LRFN5: variants seen among roughly 807,000 people sequenced by gnomAD.
The protein encoded by LRFN5 is leucine rich repeat and fibronectin type III domain containing 5.
LRFN5 carries 24 observed loss-of-function variants against 45.6 expected under a neutral mutation model. That is an observed-to-expected ratio of 0.53 (90% CI 0.38 to 0.74). LRFN5 has a LOEUF of 0.74. LRFN5 is among the 30% of genes least tolerant of loss of function. The pLI, the probability that LRFN5 is intolerant of heterozygous loss-of-function variation, is 0.00. For missense variants in LRFN5, 776 were observed against 861.5 expected (o/e 0.90, Z 1.24); for synonymous variants, 340 against 313.8 (o/e 1.08, Z -0.88).
chr14:41,874,735 A>C (rs534594927), intron 2 of LRFN5, among the ~76,000 whole-genome samples: 27 of 152,282 alleles, frequency 1.8e-4, no homozygotes, highest in African/African-American at 6.3e-4. Flanking sequence ...TCACACTCCT[A>C]ATAAAGACAT....
intron 4 of LRFN5, chr14:41,894,886 C>T: frequency 1.0e-6 from 1 of 983,264 alleles, no homozygotes. Flanking sequence ...TTATTTTATT[C>T]CTCATTTAAA....
At chr14:41,902,124 T>C (rs988740) in intron 5 of LRFN5, among the ~76,000 whole-genome samples, 103,548 of 151,698 alleles carry the variant, frequency 0.68, 35,441 homozygotes, top group Middle Eastern at 0.79. Flanking sequence ...ACAATTCATT[T>C]AATGTCAGGA....
intron 1 of LRFN5, among the ~76,000 whole-genome samples, chr14:41,761,410 G>A (rs897572222): frequency 6.6e-6 from 1 of 152,012 alleles, no homozygotes; most frequent in Non-Finnish European, 1.5e-5. Context: ...CTATTGATAG[G>A]CACAAACTGA....
intron 2 of LRFN5, among the ~76,000 whole-genome samples, chr14:41,808,319 AAGGG>A (rs1220237606): frequency 7.7e-6 from 1 of 130,290 alleles, no homozygotes; most frequent in Non-Finnish European, 1.6e-5. Context: ...ACAAGGAAGG[AAGGG>A]AGGGAGGAAG....
chr14:41,752,720 G>A (rs1044794326), intron 1 of LRFN5, among the ~76,000 whole-genome samples: 1 of 152,120 alleles, frequency 6.6e-6, no homozygotes, highest in Non-Finnish European at 1.5e-5. Flanking sequence ...TAGGTTGCCT[G>A]TTCACTCTGA....
intron 1 of LRFN5, among the ~76,000 whole-genome samples, chr14:41,720,066 C>A (rs1204814727): frequency 2.0e-5 from 3 of 151,924 alleles, no homozygotes; most frequent in Non-Finnish European, 2.9e-5. Context: ...TATGAATGAT[C>A]CTGTCAAGCA....
intron 2 of LRFN5, among the ~76,000 whole-genome samples, chr14:41,808,236 A>AAGGAAGGAAGGG (rs1887592934): frequency 1.1e-5 from 1 of 93,382 alleles, no homozygotes; most frequent in African/African-American, 4.0e-5. Context: ...GGAAGGAAGG[A>AAGGAAGGAAGGG]ATTGAGGGAG....
chr14:41,813,408 T>G (rs1594432471), intron 2 of LRFN5, among the ~76,000 whole-genome samples: 2 of 152,248 alleles, frequency 1.3e-5, no homozygotes, highest in East Asian at 3.9e-4. Context: ...TATGTTCTCA[T>G]TGTTCAACTC....
chr14:41,836,116 A>T (rs1378545162), intron 2 of LRFN5, among the ~76,000 whole-genome samples: 1 of 152,176 alleles, frequency 6.6e-6, no homozygotes, highest in African/African-American at 2.4e-5. Flanking sequence ...AATGCTGCTT[A>T]CTTGGACTTG....
In LRFN5 at chr14:41,898,769, G is replaced by T. The variant is rs1204593046; in HGVS notation, c.2099-148G>T. 8.9e-6 allele frequency: 6 copies of T among 676,374 alleles called. No homozygotes were observed. In the African/African-American group the frequency reaches 1.1e-4, roughly 13 times the overall value. The allele number at this position is 676,374 out of a possible 1,614,324, so 41.9% of individuals were successfully genotyped here. ...TAAAAGTCAATTGCAATTAACCCAT[G>T]AACTGGTAAGTTTTTTAAAAAAAAT... is the stretch of plus-strand genomic sequence containing the variant. On this transcript the variant is annotated intron_variant, in intron 4 of 5. Coordinates refer to ENST00000298119, the MANE Select transcript of LRFN5 (RefSeq NM_152447.5).
chr14:41,879,430 T>G (rs1332790980), intron 2 of LRFN5, among the ~76,000 whole-genome samples: 1 of 151,954 alleles, frequency 6.6e-6, no homozygotes, highest in African/African-American at 2.4e-5. Context: ...CCGTATACCC[T>G]TTACCCGGAT....
chr14:41,756,247 G>A (rs980106198), intron 1 of LRFN5, among the ~76,000 whole-genome samples: 1 of 152,024 alleles, frequency 6.6e-6, no homozygotes, highest in African/African-American at 2.4e-5. Flanking sequence ...ATGTGTCTTG[G>A]AGTTGCTCTT....
At chr14:41,629,050 A>G (rs899918004) in intron 1 of LRFN5, among the ~76,000 whole-genome samples, 21 of 152,190 alleles carry the variant, frequency 1.4e-4, no homozygotes, top group African/African-American at 5.1e-4. Flanking sequence ...ATTTGTAGAT[A>G]TTTATAGATC....
intron 4 of LRFN5, chr14:41,894,570 T>G: frequency 1.0e-6 from 1 of 970,992 alleles, no homozygotes; most frequent in South Asian, 4.8e-5. Context: ...ATCAAGAAGG[T>G]CAAAATTTTT....
chr14:41,851,984 G>A (rs1424705387), intron 2 of LRFN5, among the ~76,000 whole-genome samples: 1 of 150,004 alleles, frequency 6.7e-6, no homozygotes, highest in Non-Finnish European at 1.5e-5. Flanking sequence ...AAGTAATGCA[G>A]AAAAAAAAAG....
In LRFN5 at chr14:41,772,032, G is replaced by C. The variant is rs574613324; in HGVS notation, c.-21+5003G>C. On this transcript the variant is annotated intron_variant, in intron 2 of 5. Coordinates refer to ENST00000298119, the MANE Select transcript of LRFN5 (RefSeq NM_152447.5). Reference sequence around the variant, plus strand: ...AGTATGGCGTCAGCATCTGCTTTTGGTGAGGGCCTTAGGAAGCTTACCGTC... The same window carrying C: ...AGTATGGCGTCAGCATCTGCTTTTGCTGAGGGCCTTAGGAAGCTTACCGTC... 2.0e-5 allele frequency among the ~76,000 whole-genome samples: 3 copies of C among 152,250 alleles called. No homozygotes were observed. The South Asian group carries it at 6.2e-4, about 32-fold the overall frequency.
intron 1 of LRFN5, among the ~76,000 whole-genome samples, chr14:41,750,862 G>A (rs1291324896): frequency 2.0e-5 from 3 of 151,884 alleles, no homozygotes; most frequent in Non-Finnish European, 4.4e-5. Flanking sequence ...TAGGGTACAC[G>A]TGCACAACGT....
intron 1 of LRFN5, among the ~76,000 whole-genome samples, chr14:41,697,692 A>G (rs1163947101): frequency 1.4e-5 from 2 of 147,768 alleles, no homozygotes; most frequent in African/African-American, 2.5e-5. Flanking sequence ...TCTTGTTTCC[A>G]TCTATTTATT....
At chr14:41,854,379 G>A (rs539000497) in intron 2 of LRFN5, among the ~76,000 whole-genome samples, 79 of 152,010 alleles carry the variant, frequency 5.2e-4, no homozygotes, top group African/African-American at 1.8e-3. Context: ...TGGGGAGGGG[G>A]AGGGATAGCA....
Sources: gnomAD v4.1 joint callset for allele counts (sites outside exome capture counted in the v4.1 genomes callset) on GRCh38, gnomAD v4.1.1 for gene constraint, MANE v1.5 for transcripts, NCBI Gene and HGNC (gene_info 2026-07-23, HGNC 2026-07-21) for gene names.